Variants in SPTBN1 observed in about 807,000 individuals in gnomAD.
SPTBN1 encodes spectrin beta chain, non-erythrocytic 1.
A neutral mutation model predicts 266.4 loss-of-function variants in SPTBN1; 32 were observed. The ratio of observed to expected loss-of-function variants is 0.12; its 90% CI spans 0.09 to 0.16. The LOEUF (loss-of-function observed/expected upper bound fraction) is 0.16. Among genes scored for constraint, SPTBN1 ranks in the 10% least tolerant of loss-of-function variants. The pLI, the probability that SPTBN1 is intolerant of heterozygous loss-of-function variation, is 1.00. For synonymous variants in SPTBN1, 1,336 were observed against 1,162.2 expected (o/e 1.15, Z -3.04); for missense variants, 2,296 against 3,067.1 (o/e 0.75, Z 5.94).
In SPTBN1 at chr2:54,522,358, G is replaced by A. The variant is rs552701864; in HGVS notation, c.-47-4014G>A. ...ACTAAGTAATCTGTGGGCTGGGCAA[G>A]GTAGGCTCGCACCTGTAATCCCAGG... On this transcript the variant is annotated intron_variant, in intron 1 of 35. Transcript: ENST00000356805. 7.2e-5 allele frequency among the ~76,000 whole-genome samples: 11 copies of A among 152,208 alleles called. No individual in the cohort carries two copies. In the South Asian group the frequency reaches 1.7e-3, roughly 23 times the overall value.
rs1052064112 is a variant in SPTBN1 at position 54,670,246 on chromosome 2, C to T, written c.*1677C>T. On this transcript the variant is annotated 3_prime_UTR_variant, in exon 36 of 36. Transcript: ENST00000356805. ...AACAGGCAAGAGGTTAGGTTTGGCC[C>T]ATGGGCCATAGTTTGCTGACTTCAG... 2 of 155,046 alleles carry T rather than the reference C, an allele frequency of 1.3e-5. No homozygotes were observed. The highest frequency in any genetic ancestry group is 4.8e-5 in the African/African-American group (2 of 41,518). The allele number at this position is 155,046 out of a possible 1,614,324, so 9.6% of individuals were successfully genotyped here.
chr2:54,467,021 A>G, intron 1 of SPTBN1, among the ~76,000 whole-genome samples: 1 of 151,972 alleles, frequency 6.6e-6, no homozygotes, highest in Non-Finnish European at 1.5e-5. Context: ...AGCGCCTGAC[A>G]GAAACATTGT....
rs761570445 is a variant in SPTBN1, at chr2:54,642,970, G to A, written c.3859-13G>A. ...AGGATCACAATCTCTGAATCCTTCT[G>A]ATCTTTCTGTAGCTGTCTCTCTGGA... On this transcript the variant is annotated splice_polypyrimidine_tract_variant and intron_variant, in intron 18 of 35. Coordinates refer to ENST00000356805, the MANE Select transcript of SPTBN1 (RefSeq NM_003128.3). 3 of 1,609,430 alleles carry A rather than the reference G, an allele frequency of 1.9e-6. No homozygotes were observed. Among genetic ancestry groups the A allele is most frequent in the Non-Finnish European group, 2.5e-6 (3 of 1,177,636 alleles).
At chr2:54,608,360 T>C (rs1676989888) in intron 3 of SPTBN1, among the ~76,000 whole-genome samples, 1 of 152,134 alleles carries the variant, frequency 6.6e-6, no homozygotes, top group Admixed American at 6.5e-5. Context: ...AAAGAAGAGC[T>C]GTGAGAACCA....
intron 1 of SPTBN1, among the ~76,000 whole-genome samples, chr2:54,462,805 G>T (rs1012778846): frequency 6.6e-6 from 1 of 152,208 alleles, no homozygotes; most frequent in South Asian, 2.1e-4. Flanking sequence ...CATAGTGGGG[G>T]TTAAAACATG....
At chr2:54,541,092 T>C (rs1671907743) in intron 2 of SPTBN1, among the ~76,000 whole-genome samples, 1 of 152,224 alleles carries the variant, frequency 6.6e-6, no homozygotes. Context: ...TCCAGTTAGC[T>C]TTTACCTTTT....
chr2:54,565,307 A>G (rs1159530513), intron 2 of SPTBN1, among the ~76,000 whole-genome samples: 1 of 152,222 alleles, frequency 6.6e-6, no homozygotes, highest in Non-Finnish European at 1.5e-5. Context: ...TAGAAGAATG[A>G]AGAGTTGGGG....
chr2:54,482,649 CTAGCCACATTTCGAATGCTCAG>C (rs545719575), intron 1 of SPTBN1, among the ~76,000 whole-genome samples: 69 of 152,344 alleles, frequency 4.5e-4, no homozygotes, highest in African/African-American at 1.6e-3. Flanking sequence ...CTCAGTCACA[CTAGCCACATTTCGAATGCTCAG>C]TAGCCACACA....
rs570891804 is a variant in SPTBN1 at position 54,570,289 on chromosome 2, A to G, written c.149-28803A>G. The stretch of plus-strand genomic sequence containing the variant: ...AGAGGCACAAGACCTTTAAGTAGCA[A>G]ATACAGTAATCACAGTAGCATGGAG... On this transcript the variant is annotated intron_variant, in intron 2 of 35. Transcript: ENST00000356805. Among the ~76,000 whole-genome samples, 8 of 152,284 alleles carry G rather than the reference A, an allele frequency of 5.3e-5. No homozygotes were observed. The South Asian group carries it at 1.5e-3, about 28-fold the overall frequency.
intron 24 of SPTBN1, among the ~76,000 whole-genome samples, chr2:54,648,382 A>G (rs923173302): frequency 1.3e-5 from 2 of 152,044 alleles, no homozygotes; most frequent in African/African-American, 4.8e-5. Context: ...AGGGAGGGGG[A>G]TTCAGTCTCC....
intron 2 of SPTBN1, among the ~76,000 whole-genome samples, chr2:54,565,552 A>AGT (rs1184997799): frequency 2.6e-5 from 4 of 152,232 alleles, no homozygotes; most frequent in African/African-American, 9.6e-5. Flanking sequence ...TAAACCTAAT[A>AGT]GTGTGTGTAG....
Position 54,664,270 on chromosome 2 carries a change from T to C in SPTBN1, c.6421-183T>C, listed in dbSNP as rs1558484148. The C allele has an allele frequency of 3.1e-6, 2 of 641,004 alleles. No homozygotes were observed. Among genetic ancestry groups the C allele is most frequent in the Admixed American group, 2.5e-5 (1 of 40,614 alleles). 39.7% of individuals were successfully genotyped at this position (641,004 alleles called of 1,614,324 possible). ...TTCCCTGTAAATGGGCGGGTATTAA[T>C]CCATTCCCACCTTCTAATGTCCTTG... On this transcript the variant is annotated intron_variant, in intron 32 of 35. Transcript: ENST00000356805. This position sits in a 1 kb window ranked among gnomAD's most constrained non-coding sequence, Gnocchi z 5.6.
chr2:54,648,970 T>C lies in SPTBN1; in HGVS notation c.4998-16T>C. 6.4e-7 allele frequency: 1 copy of C among 1,573,764 alleles called. No individual in the cohort carries two copies. The highest frequency in any genetic ancestry group is 8.7e-7 in the Non-Finnish European group (1 of 1,153,524). On this transcript the variant is annotated splice_polypyrimidine_tract_variant and intron_variant, in intron 24 of 35. Coordinates refer to ENST00000356805, the MANE Select transcript of SPTBN1 (RefSeq NM_003128.3). ...TTAAGATCCTTTTTCTCCCCATTGC[T>C]CCTTTTCTTTTTCAGTGAGCGCATT...
At position 54,628,333 on chromosome 2, in the gene SPTBN1, C is replaced by G; in HGVS notation, c.1798+83C>G. ...AAACACAGTGGGGCTTTTGAAGTTA[C>G]TGTGCCACTATACATTCCTGGTGGG... On this transcript the variant is annotated intron_variant, in intron 13 of 35. Transcript: ENST00000356805. The surrounding 1 kb of genome is among the most constrained non-coding windows in gnomAD (Gnocchi z 4.3). 1 of 1,461,872 alleles carries G rather than the reference C, an allele frequency of 6.8e-7. No individual in the cohort carries two copies. 90.6% of individuals were successfully genotyped at this position (1,461,872 alleles called of 1,614,324 possible). A position where few individuals can be genotyped will look rare whatever the true frequency, so the allele number is the denominator to read the frequency against.
In SPTBN1 at chr2:54,664,774, A is replaced by G; in HGVS notation, c.6659+83A>G. On this transcript the variant is annotated intron_variant, in intron 33 of 35. Coordinates refer to ENST00000356805, the MANE Select transcript of SPTBN1 (RefSeq NM_003128.3). The surrounding 1 kb of genome is among the most constrained non-coding windows in gnomAD (Gnocchi z 5.6). ...GCGGGCCACTCTTGAATTGGAAGAG[A>G]AGTATGTGCTCATGTAGTTTTATTC... 1 of 1,364,170 alleles carries G rather than the reference A, an allele frequency of 7.3e-7. No individual in the cohort carries two copies. The highest frequency in any genetic ancestry group is 1.0e-6 in the Non-Finnish European group (1 of 981,076). The allele number at this position is 1,364,170 out of a possible 1,614,324, so 84.5% of individuals were successfully genotyped here.
chr2:54,612,480 C>G (rs1386847414), intron 4 of SPTBN1, 146 bp downstream of exon 4: 6 of 930,584 alleles, frequency 6.4e-6, no homozygotes, highest in Non-Finnish European at 7.7e-6. Flanking sequence ...ATATCCAGCC[C>G]TCAGAATTGA....
intron 3 of SPTBN1, among the ~76,000 whole-genome samples, chr2:54,603,359 TC>T (rs1478386725): frequency 1.5e-4 from 23 of 152,166 alleles, no homozygotes; most frequent in Non-Finnish European, 5.9e-5. Flanking sequence ...GATGGTAACT[TC>T]CCTATCACTT....
intron 17 of SPTBN1, among the ~76,000 whole-genome samples, chr2:54,636,119 A>G: frequency 6.6e-6 from 1 of 152,140 alleles, no homozygotes; most frequent in South Asian, 2.1e-4. Context: ...TTTCTAACCC[A>G]TGCCTTGGAG....
rs1225656070 is a variant in SPTBN1, at chr2:54,617,700, C to G, written c.647+12C>G. 6.2e-7 allele frequency: 1 copy of G among 1,613,072 alleles called. No individual in the cohort carries two copies. The highest frequency in any genetic ancestry group is 1.3e-5 in the African/African-American group (1 of 74,888). On this transcript the variant is annotated intron_variant, in intron 6 of 35. Coordinates refer to ENST00000356805, the MANE Select transcript of SPTBN1 (RefSeq NM_003128.3). ...ATACACAAACACCGGTAAGTCCATA[C>G]AAATCATCCTAGCAATCGTGGGGTA...
Sources: gnomAD v4.1 joint callset for allele counts (sites outside exome capture counted in the v4.1 genomes callset) on GRCh38, gnomAD v4.1.1 for gene constraint, Gnocchi (gnomAD v3.1) non-coding constraint, MANE v1.5 for transcripts, NCBI Gene and HGNC (gene_info 2026-07-23, HGNC 2026-07-21) for gene names.